OGFR: variants seen among roughly 807,000 people sequenced by gnomAD.
The protein encoded by OGFR is opioid growth factor receptor.
A neutral mutation model predicts 33.6 loss-of-function variants in OGFR; 18 were observed. That is an observed-to-expected ratio of 0.54 (90% CI 0.37 to 0.80). OGFR has a LOEUF of 0.80. Ranked by LOEUF, OGFR falls within the 30% of genes least tolerant of loss-of-function variation. OGFR has a pLI of 0.00. For synonymous variants in OGFR, 370 were observed against 400.7 expected (o/e 0.92, Z 0.91); for missense variants, 877 against 955.8 (o/e 0.92, Z 1.09).
In OGFR at chr20:62,812,931, C is replaced by T. The variant is rs756678947; in HGVS notation, c.1316C>T (p.Ala439Val). 31 of 1,612,204 alleles carry T rather than the reference C, an allele frequency of 1.9e-5. No individual in the cohort carries two copies. The highest frequency in any genetic ancestry group is 2.7e-5 in the African/African-American group (2 of 74,918). ...QEVGGQDPGE[A>V]VQPCRQPLGA... Reference sequence around the variant, plus strand: ...GTGGGCGGTCAGGACCCTGGGGAGGCAGTGCAGCCCTGCCGCCAACCCCTG... The same window carrying T: ...GTGGGCGGTCAGGACCCTGGGGAGGTAGTGCAGCCCTGCCGCCAACCCCTG... Residue 439 changes from alanine (A) to valine (V), a missense_variant, in exon 7 of 7, where the codon GCA (alanine) becomes GTA (valine). Ala to Val is a moderately conservative substitution (Grantham distance 64, BLOSUM62 0). This residue lies in a region of OGFR where 760 missense variants were observed against 736.0 expected (regional missense o/e 1.03). Transcript: ENST00000290291.
At position 62,810,520 on chromosome 20, in the gene OGFR, A is replaced by G. The variant is rs1467303689; in HGVS notation, c.420A>G (p.Pro140=). The G allele has an allele frequency of 3.1e-6, 5 of 1,613,236 alleles. No individual in the cohort carries two copies. The highest frequency in any genetic ancestry group is 4.2e-6 in the Non-Finnish European group (5 of 1,179,868). The change falls in exon 5 of 7, where the codon CCA becomes CCG. Residue 140 remains proline, a synonymous_variant. Transcript: ENST00000290291. ...YIQWLFPLRE[P]GVNWHAKPLT... The stretch of plus-strand genomic sequence containing the variant: ...GCAGGCTGTTTCCTCTGCGAGAACC[A>G]GGAGTGAACTGGCATGCCAAGCCCC...
rs551254702 is a variant in OGFR at position 62,813,304 on chromosome 20, C to G, written c.1689C>G (p.Gly563=). Reference sequence around the variant, plus strand: ...CCGAGAGCCCATCGGAGACCCCAGGCCCCCGCCCGGCAGGACCTGCAGGGG... The same window carrying G: ...CCGAGAGCCCATCGGAGACCCCAGGGCCCCGCCCGGCAGGACCTGCAGGGG... ...EPAESPSETP[G]PRPAGPAGDE... is the part of the protein sequence containing the mutation. The change falls in exon 7 of 7, where the codon GGC becomes GGG. Residue 563 remains glycine (G), a synonymous_variant. Transcript: ENST00000290291. The G allele has an allele frequency of 8.6e-7, 1 of 1,162,124 alleles. No homozygotes were observed. The highest frequency in any genetic ancestry group is 2.4e-5 in the Admixed American group (1 of 41,454). 72.0% of individuals were successfully genotyped at this position (1,162,124 alleles called of 1,614,324 possible).
At chr20:62,807,383 G>A in intron 1 of OGFR, 154 bp from the exon 2 acceptor site, 2 of 672,002 alleles carry the variant, frequency 3.0e-6, no homozygotes, top group East Asian at 2.7e-5. Context: ...CCAAAAAAGA[G>A]CCAGGGCAGG....
At chr20:62,811,715 C>T (rs1990732483) in intron 6 of OGFR, 105 bp downstream of exon 6, 5 of 1,318,842 alleles carry the variant, frequency 3.8e-6, no homozygotes, top group Non-Finnish European at 5.1e-6. Flanking sequence ...AACTCCAGGG[C>T]TGTTTGGGCA....
intron 3 of OGFR, among the ~76,000 whole-genome samples, chr20:62,808,597 C>T (rs895321056): frequency 1.3e-5 from 2 of 152,238 alleles, no homozygotes; most frequent in Non-Finnish European, 1.5e-5. Context: ...ATCAAAACTA[C>T]TGAACTCCTG....
At chr20:62,807,489 CT>C (rs769918042) in intron 1 of OGFR, 47 bp from the exon 2 acceptor site, 2 of 1,577,022 alleles carry the variant, frequency 1.3e-6, no homozygotes, top group South Asian at 1.1e-5. Context: ...TTGGGACTCA[CT>C]TGGGGGTCTC....
In OGFR at chr20:62,813,811, CG is replaced by C; in HGVS notation, c.*163del. On this transcript the variant is annotated 3_prime_UTR_variant, in exon 7 of 7. Coordinates refer to ENST00000290291, the MANE Select transcript of OGFR (RefSeq NM_007346.4). ...GGCCACTATAGCAGCCACCAGAAGC[CG>C]CGAGGCCCTCAGGGAAGCCCAAGGC... 1 of 815,158 alleles carries C rather than the reference CG, an allele frequency of 1.2e-6. No individual in the cohort carries two copies. Among genetic ancestry groups the C allele is most frequent in the African/African-American group, 1.7e-5 (1 of 57,882 alleles). The allele number at this position is 815,158 out of a possible 1,614,324, so 50.5% of individuals were successfully genotyped here.
At position 62,808,228 on chromosome 20, in the gene OGFR, C is replaced by G; in HGVS notation, c.241-19C>G. 6.3e-7 allele frequency: 1 copy of G among 1,599,824 alleles called. No homozygotes were observed. The highest frequency in any genetic ancestry group is 8.6e-7 in the Non-Finnish European group (1 of 1,167,554). On this transcript the variant is annotated intron_variant, in intron 2 of 6. Transcript: ENST00000290291. ...TGTGTCTGATGGATCCCTGCTGTCC[C>G]CTTTCTCTGGCTCTTCAGGATCTGG...
chr20:62,808,167 GCCTCCCC>G, intron 2 of OGFR, 73 bp from the exon 3 acceptor site: 1 of 1,089,888 alleles, frequency 9.2e-7, no homozygotes, highest in Non-Finnish European at 1.4e-6. Context: ...TTGCAGATGC[GCCTCCCC>G]GAAAGACACG....
In OGFR at chr20:62,812,721, A is replaced by G. The variant is rs1458654108; in HGVS notation, c.1106A>G (p.His369Arg). Residue 369 changes from histidine (H) to arginine (R), a missense_variant, in exon 7 of 7, where the codon CAC becomes CGC. His to Arg is a conservative substitution (Grantham distance 29). Transcript: ENST00000290291. ...ERSQGDEAGG[H>R]GEDRPEPLSP... ...AGCCAGGGGGATGAGGCAGGGGGCC[A>G]CGGGGAAGATAGGCCGGAGCCCTTA... 1.9e-6 allele frequency: 3 copies of G among 1,595,048 alleles called. No homozygotes were observed. Among genetic ancestry groups the G allele is most frequent in the Non-Finnish European group, 2.6e-6 (3 of 1,171,402 alleles).
Position 62,804,923 on chromosome 20 carries a change from G to A in OGFR, c.64G>A (p.Asp22Asn), listed in dbSNP as rs1390635161. 8.0e-6 allele frequency: 12 copies of A among 1,497,140 alleles called. No individual in the cohort carries two copies. The highest frequency in any genetic ancestry group is 3.0e-5 in the East Asian group (1 of 33,836). The allele number at this position is 1,497,140 out of a possible 1,614,324, so 92.7% of individuals were successfully genotyped here. ...CGAGGAGGATGCGGAGGACGCGGAG[G>A]ACGAGGACTGCGAGGACGGCGAGGC... is the stretch of plus-strand genomic sequence containing the variant. Reference protein sequence around the residue: ...EDEEDAEDAEDEDCEDGEAAG... With the variant: ...EDEEDAEDAENEDCEDGEAAG... The change falls in exon 1 of 7, where the codon GAC (aspartate) becomes AAC (asparagine). Residue 22 changes from aspartate to asparagine, a missense_variant. By Grantham distance (23) the Asp-to-Asn change is conservative (BLOSUM62 1). Around this residue, in one of 3 missense-constraint regions of OGFR, gnomAD observed 760 missense variants for 736.0 expected, o/e 1.03. Coordinates refer to ENST00000290291, the MANE Select transcript of OGFR (RefSeq NM_007346.4).
At position 62,812,133 on chromosome 20, in the gene OGFR, A is replaced by T. The variant is rs963092772; in HGVS notation, c.615-97A>T. The T allele has an allele frequency of 5.6e-6, 6 of 1,065,546 alleles. No individual in the cohort carries two copies. In the African/African-American group the frequency reaches 9.8e-5, roughly 17 times the overall value. 66.0% of individuals were successfully genotyped at this position (1,065,546 alleles called of 1,614,324 possible). A position where few individuals can be genotyped will look rare whatever the true frequency, so the allele number is the denominator to read the frequency against. On this transcript the variant is annotated intron_variant, in intron 6 of 6. Coordinates refer to ENST00000290291, the MANE Select transcript of OGFR (RefSeq NM_007346.4). The stretch of plus-strand genomic sequence containing the variant: ...CTGAATCGTGGGCCAGGGTGGGGAG[A>T]CCTCGTGGAGCCGGGTGGGAGGGCA...
At chr20:62,810,643 G>T in intron 5 of OGFR, 78 bp downstream of exon 5, 1 of 1,398,240 alleles carries the variant, frequency 7.2e-7, no homozygotes, top group South Asian at 1.2e-5. Context: ...AGACGGGGTC[G>T]CCTCTGGCAG....
chr20:62,804,866 G>A lies in OGFR; in HGVS notation c.7G>A (p.Asp3Asn). 2 of 1,442,730 alleles carry A rather than the reference G, an allele frequency of 1.4e-6. No individual in the cohort carries two copies. Among genetic ancestry groups the A allele is most frequent in the Non-Finnish European group, 1.8e-6 (2 of 1,091,206 alleles). 89.4% of individuals were successfully genotyped at this position (1,442,730 alleles called of 1,614,324 possible). Residue 3 changes from aspartate (D) to asparagine (N), a missense_variant, in exon 1 of 7, where the codon GAC becomes AAC. Physicochemically the swap from Asp to Asn is conservative, Grantham distance 23. Coordinates refer to ENST00000290291, the MANE Select transcript of OGFR (RefSeq NM_007346.4). ...AGCCCCGCCGCCGCCGAGCATGGAC[G>A]ACCCCGACTGCGACTCCACCTGGGA... MD[D>N]PDCDSTWEED...
Position 62,805,024 on chromosome 20 carries a change from G to C in OGFR, c.165G>C (p.Ser55=), listed in dbSNP as rs1274984235. The change falls in exon 1 of 7, where the codon TCG becomes TCC. Residue 55 remains serine (S), a synonymous_variant. Coordinates refer to ENST00000290291, the MANE Select transcript of OGFR (RefSeq NM_007346.4). ...SEEPRAARPS[S]FQSRMTGSRN... ...AGCCGCGGGCGGCGCGGCCCAGCTC[G>C]TTCCAGGTGCGGCCCCGCGGCGCGG... The C allele has an allele frequency of 7.2e-7, 1 of 1,394,290 alleles. No individual in the cohort carries two copies. The highest frequency in any genetic ancestry group is 1.5e-5 in the African/African-American group (1 of 65,748). 86.4% of individuals were successfully genotyped at this position (1,394,290 alleles called of 1,614,324 possible).
intron 1 of OGFR, 63 bp from the exon 2 acceptor site, chr20:62,807,474 C>T (rs1990621764): frequency 6.7e-7 from 1 of 1,494,204 alleles, no homozygotes; most frequent in Non-Finnish European, 9.3e-7. Context: ...GCAGCCCTCA[C>T]CACGTTGGGA....
chr20:62,813,928 G>GA lies in OGFR; in HGVS notation c.*279_*280insA. On this transcript the variant is annotated 3_prime_UTR_variant, in exon 7 of 7. Transcript: ENST00000290291. ...TAAATTGACCCTTCTGGAGTGGGGG[G>GA]CGGCGGGCAGGGCTGCTTTTCTTAG... is the stretch of plus-strand genomic sequence containing the variant. The GA allele has an allele frequency of 1.8e-6, 1 of 551,818 alleles. No homozygotes were observed. Among genetic ancestry groups the GA allele is most frequent in the Non-Finnish European group, 3.2e-6 (1 of 310,938 alleles). 34.2% of individuals were successfully genotyped at this position (551,818 alleles called of 1,614,324 possible).
rs538518926 is a variant in OGFR at position 62,809,825 on chromosome 20, T to C, written c.398+162T>C. On this transcript the variant is annotated intron_variant, in intron 4 of 6. Transcript: ENST00000290291. ...TTACACGGATGGACATTACTGGACA[T>C]GCAAGGGCCGCTGAGGGAAGGCTCA... 1.2e-3 allele frequency among the ~76,000 whole-genome samples: 190 copies of C among 152,306 alleles called. 1 individual carries two copies. Among genetic ancestry groups the C allele is most frequent in the African/African-American group, 4.5e-3 (185 of 41,566 alleles).
chr20:62,811,362 G>C, intron 5 of OGFR, 100 bp from the exon 6 acceptor site: 1 of 1,295,456 alleles, frequency 7.7e-7, no homozygotes, highest in Non-Finnish European at 1.1e-6. Flanking sequence ...TGTCTGTCTA[G>C]TCCAGGCCTC....
Sources: gnomAD v4.1 joint callset for allele counts (sites outside exome capture counted in the v4.1 genomes callset) on GRCh38, gnomAD v4.1.1 for gene constraint, gnomAD v4.1.1 regional missense constraint, MANE v1.5 for transcripts, NCBI Gene and HGNC (gene_info 2026-07-23, HGNC 2026-07-21) for gene names.